Variants in FSTL4 observed in about 807,000 individuals in gnomAD.
FSTL4 encodes follistatin-related protein 4.
Under a neutral mutation model 78.2 loss-of-function variants are expected in FSTL4, and 28 were observed. The observed-to-expected ratio is 0.36, with a 90% CI of 0.27 to 0.49. FSTL4 has a LOEUF of 0.49. Ranked by LOEUF, FSTL4 falls within the 20% of genes least tolerant of loss-of-function variation. The pLI is 0.98. For missense variants in FSTL4, 922 were observed against 1,084.9 expected (o/e 0.85, Z 2.11); for synonymous variants, 422 against 440.5 (o/e 0.96, Z 0.53).
At chr5:133,691,510 G>C in the FSTL4 span, among the ~76,000 whole-genome samples, 10 of 152,090 alleles carry the variant, frequency 6.6e-5, no homozygotes, top group Non-Finnish European at 1.5e-4. Flanking sequence ...TAACTTGAAG[G>C]CGTGGACCTC....
At chr5:133,607,653 T>C (rs947546075) in intron 1 of FSTL4, among the ~76,000 whole-genome samples, 29 of 152,212 alleles carry the variant, frequency 1.9e-4, no homozygotes, top group South Asian at 4.1e-4. Context: ...CTGTTTTGTT[T>C]TGATAAACAG....
At chr5:133,785,157 AC>A in the FSTL4 span, among the ~76,000 whole-genome samples, 1 of 152,178 alleles carries the variant, frequency 6.6e-6, no homozygotes, top group East Asian at 1.9e-4. Flanking sequence ...ACGAAGTCTT[AC>A]AAACCATGCT....
chr5:133,603,772 A>G (rs1316134348), intron 2 of FSTL4, 86 bp downstream of exon 2: 4 of 1,451,100 alleles, frequency 2.8e-6, no homozygotes, highest in East Asian at 4.6e-5. Context: ...TAACTGATCT[A>G]AACTAAAGGT....
At chr5:133,787,109 A>G in the FSTL4 span, among the ~76,000 whole-genome samples, 2 of 152,216 alleles carry the variant, frequency 1.3e-5, no homozygotes, top group African/African-American at 4.8e-5. Context: ...CTGACTTTCA[A>G]TAACCAATCA....
intron 7 of FSTL4, among the ~76,000 whole-genome samples, chr5:133,235,237 T>A (rs1456710511): frequency 6.6e-6 from 1 of 152,112 alleles, no homozygotes; most frequent in Non-Finnish European, 1.5e-5. Context: ...CCCAACACTT[T>A]GGGAGGCCGA....
chr5:133,352,583 C>T (rs943636850), intron 4 of FSTL4, among the ~76,000 whole-genome samples: 1 of 152,030 alleles, frequency 6.6e-6, no homozygotes, highest in African/African-American at 2.4e-5. Context: ...CTAATTTTTA[C>T]AATTTTTGTA....
chr5:133,770,150 G>GTTGA, the FSTL4 span, among the ~76,000 whole-genome samples: 1 of 152,022 alleles, frequency 6.6e-6, no homozygotes, highest in Non-Finnish European at 1.5e-5. Context: ...GGACACTTAA[G>GTTGA]TTGATTCCAT....
At chr5:133,204,495 C>A (rs1750429841) in intron 14 of FSTL4, among the ~76,000 whole-genome samples, 1 of 152,032 alleles carries the variant, frequency 6.6e-6, no homozygotes, top group Non-Finnish European at 1.5e-5. Flanking sequence ...ATGATTATGG[C>A]CTTTGGAAAA....
At chr5:133,494,427 A>G (rs10068487) in intron 3 of FSTL4, among the ~76,000 whole-genome samples, 20 of 151,676 alleles carry the variant, frequency 1.3e-4, no homozygotes, top group Non-Finnish European at 2.4e-4. Context: ...CAAGTCTAGC[A>G]TCACACAGGA....
At chr5:133,755,049 C>A in the FSTL4 span, among the ~76,000 whole-genome samples, 2 of 152,186 alleles carry the variant, frequency 1.3e-5, no homozygotes, top group African/African-American at 4.8e-5. Context: ...CCCCTGCAAG[C>A]CAGACCTCAC....
the FSTL4 span, among the ~76,000 whole-genome samples, chr5:133,682,391 G>A: frequency 1.9e-3 from 286 of 152,292 alleles, no homozygotes; most frequent in Middle Eastern, 0.014. Context: ...TCGAACGCAG[G>A]GACTGCCTTG....
the FSTL4 span, among the ~76,000 whole-genome samples, chr5:133,729,312 G>T: frequency 1.8e-4 from 28 of 152,068 alleles, no homozygotes; most frequent in Admixed American, 1.6e-3. Context: ...GAGGCAGATT[G>T]TCAAGGTTTG....
the FSTL4 span, among the ~76,000 whole-genome samples, chr5:133,766,262 G>C: frequency 6.6e-6 from 1 of 152,014 alleles, no homozygotes; most frequent in African/African-American, 2.4e-5. Context: ...AGAGGAAGAA[G>C]AAGAAAGAGG....
chr5:133,571,163 A>C (rs1485391138), intron 2 of FSTL4, among the ~76,000 whole-genome samples: 1 of 152,192 alleles, frequency 6.6e-6, no homozygotes, highest in Non-Finnish European at 1.5e-5. Context: ...CATGGTACTA[A>C]AGAGACAAAA....
chr5:133,709,959 C>T, the FSTL4 span, among the ~76,000 whole-genome samples: 2 of 152,210 alleles, frequency 1.3e-5, no homozygotes, highest in Non-Finnish European at 2.9e-5. Context: ...TGAAAAGACA[C>T]TGAGTTTAGG....
intron 4 of FSTL4, among the ~76,000 whole-genome samples, chr5:133,326,741 G>A (rs551365455): frequency 2.4e-4 from 36 of 152,354 alleles, no homozygotes; most frequent in Admixed American, 2.3e-3. Flanking sequence ...TGAGCCTGGA[G>A]GGGTTTGTCC....
intron 3 of FSTL4, among the ~76,000 whole-genome samples, chr5:133,481,972 AG>A (rs1758037410): frequency 6.6e-6 from 1 of 152,232 alleles, no homozygotes; most frequent in Non-Finnish European, 1.5e-5. Flanking sequence ...CTTGAGAAGG[AG>A]GGAAGGAGCA....
At chr5:133,599,092 A>T (rs1760800905) in intron 2 of FSTL4, among the ~76,000 whole-genome samples, 1 of 152,162 alleles carries the variant, frequency 6.6e-6, no homozygotes, top group South Asian at 2.1e-4. Flanking sequence ...GGAGAATTTT[A>T]TCAGAAAGGG....
At chr5:133,210,367 G>A (rs3828692) in intron 13 of FSTL4, 69 bp from the exon 14 acceptor site, 368,294 of 897,826 alleles carry the variant, frequency 0.41, 76,908 homozygotes, top group Middle Eastern at 0.49. Context: ...GTATGCATGG[G>A]CATCACTCCT....
Sources: allele counts gnomAD v4.1 joint callset (sites outside exome capture counted in the v4.1 genomes callset), GRCh38; gene constraint gnomAD v4.1.1; transcripts MANE v1.5; gene names NCBI Gene and HGNC (gene_info 2026-07-23, HGNC 2026-07-21).